The following KLHL10 variants were observed in gnomAD, a reference collection of about 807,000 sequenced individuals.
KLHL10 encodes the protein kelch like family member 10, also known as kelch-like protein 10.
A neutral mutation model predicts 46.6 loss-of-function variants in KLHL10; 11 were observed. That is an observed-to-expected ratio of 0.24 (90% confidence interval 0.15 to 0.39). The LOEUF is 0.39. KLHL10 is among the 10% of genes least tolerant of loss of function. The pLI, the probability that KLHL10 is intolerant of heterozygous loss-of-function variation, is 1.00. For synonymous variants in KLHL10, 254 were observed against 279.1 expected (o/e 0.91, Z 0.90); for missense variants, 475 against 789.8 (o/e 0.60, Z 4.78).
At chr17:41,835,818 C>G, upstream of KLHL10, 3 of 1,550,208 alleles carry the variant, frequency 1.9e-6, no homozygotes, top group Non-Finnish European at 2.6e-6. Context: ...GCCTCTCCAG[C>G]CGCCCCCAGC....
At chr17:41,845,818 GTGGA>G in intron 3 of KLHL10, 75 bp downstream of exon 3, 1 of 1,582,838 alleles carries the variant, frequency 6.3e-7, no homozygotes, top group African/African-American at 1.3e-5. Context: ...CTTTTTTGGG[GTGGA>G]TGGAAGACGC....
At chr17:41,845,045 G>T in intron 2 of KLHL10, 81 bp from the exon 3 acceptor site, 1 of 1,552,046 alleles carries the variant, frequency 6.4e-7, no homozygotes, top group Non-Finnish European at 8.9e-7. Flanking sequence ...TTCAAAGGCA[G>T]ATCGAAAAAT....
At chr17:41,841,449 G>A (rs951093392) in intron 1 of KLHL10, among the ~76,000 whole-genome samples, 1 of 152,150 alleles carries the variant, frequency 6.6e-6, no homozygotes, top group African/African-American at 2.4e-5. Flanking sequence ...CAAGTAGCTG[G>A]GACTACAGGC....
intron 4 of KLHL10, 107 bp from the exon 5 acceptor site, chr17:41,847,826 G>A: frequency 1.4e-6 from 2 of 1,469,612 alleles, no homozygotes; most frequent in Non-Finnish European, 1.9e-6. Flanking sequence ...TTTCATGGAA[G>A]ATAATGGAAG....
upstream of KLHL10, chr17:41,836,267 C>T (rs1327200812): frequency 6.1e-6 from 7 of 1,144,766 alleles, no homozygotes; most frequent in Non-Finnish European, 7.6e-6. Context: ...CGTCGCCTCC[C>T]GCCTGGAGCC....
chr17:41,836,383 A>G, upstream of KLHL10: 1 of 1,224,206 alleles, frequency 8.2e-7, no homozygotes, highest in Non-Finnish European at 1.0e-6. Flanking sequence ...GCGCTAGGCA[A>G]ACTGGAGGAG....
chr17:41,837,767 C>T, upstream of KLHL10: 1 of 1,439,694 alleles, frequency 6.9e-7, no homozygotes, highest in Non-Finnish European at 9.1e-7. Flanking sequence ...AGAGCACAAT[C>T]CTGTGTGATC....
upstream of KLHL10, among the ~76,000 whole-genome samples, chr17:41,836,893 G>T (rs2048168166): frequency 6.6e-6 from 1 of 152,224 alleles, no homozygotes; most frequent in African/African-American, 2.4e-5. Context: ...ACTGAATTCT[G>T]TTAATCACCC....
chr17:41,835,918 G>T, upstream of KLHL10: 2 of 1,605,850 alleles, frequency 1.2e-6, no homozygotes, highest in Non-Finnish European at 1.7e-6. Context: ...ACCCGCCCAG[G>T]CTGCCGCATC....
At position 41,845,154 on chromosome 17, in the gene KLHL10, A is replaced by T. The variant is rs782279173; in HGVS notation, c.713A>T (p.Tyr238Phe). The T allele has an allele frequency of 6.2e-7, 1 of 1,614,228 alleles. No individual in the cohort carries two copies. The highest frequency in any genetic ancestry group is 1.7e-5 in the Admixed American group (1 of 60,020). ...KVRLALMHAE[Y>F]FMNNVKMNDY... ...CGCCTGGCCCTAATGCATGCTGAGT[A>T]CTTCATGAACAATGTTAAGATGAAT... The change falls in exon 3 of 5, where the codon TAC (tyrosine) becomes TTC (phenylalanine). Residue 238 changes from tyrosine to phenylalanine, a missense_variant. Coordinates refer to ENST00000293303, the MANE Select transcript of KLHL10 (RefSeq NM_152467.5).
intron 1 of KLHL10, among the ~76,000 whole-genome samples, chr17:41,839,544 A>G (rs934349089): frequency 6.6e-6 from 1 of 152,198 alleles, no homozygotes; most frequent in Admixed American, 6.5e-5. Context: ...TCAGAAGAAA[A>G]AGGGAGTTTG....
intron 4 of KLHL10, 78 bp downstream of exon 4, chr17:41,847,488 C>T: frequency 2.0e-6 from 3 of 1,513,222 alleles, no homozygotes; most frequent in Non-Finnish European, 2.7e-6. Context: ...GTTTATGCTA[C>T]TATTGGTAAG....
At chr17:41,838,248 T>C (rs1258176185) in intron 1 of KLHL10, 122 bp downstream of exon 1, 1 of 882,536 alleles carries the variant, frequency 1.1e-6, no homozygotes, top group Non-Finnish European at 1.8e-6. Flanking sequence ...AGCTCTGGGC[T>C]CCTTAAAAAT....
upstream of KLHL10, chr17:41,836,359 T>C: frequency 8.2e-7 from 1 of 1,223,938 alleles, no homozygotes; most frequent in Non-Finnish European, 1.0e-6. Flanking sequence ...GCGATCCGGG[T>C]GGGCTTGCCG....
chr17:41,836,254 A>T, upstream of KLHL10: 1 of 1,014,028 alleles, frequency 9.9e-7, no homozygotes, highest in Non-Finnish European at 1.2e-6. Context: ...CGCACTGCGC[A>T]GGCGTCGCCT....
intron 2 of KLHL10, among the ~76,000 whole-genome samples, chr17:41,844,148 C>T (rs1397906350): frequency 2.0e-5 from 3 of 152,164 alleles, no homozygotes; most frequent in African/African-American, 7.2e-5. Flanking sequence ...CAACCTCCAC[C>T]TCCTGGGTTC....
chr17:41,837,886 C>A lies in KLHL10; in HGVS notation c.-47C>A. The stretch of plus-strand genomic sequence containing the variant: ...GGCTAAAGGGGCCCCCCACAACCCT[C>A]CCCGACACCCTAGGAAAGCAGCCTC... On this transcript the variant is annotated 5_prime_UTR_variant, in exon 1 of 5. Transcript: ENST00000293303. The A allele has an allele frequency of 1.9e-6, 3 of 1,611,098 alleles. No homozygotes were observed. Among genetic ancestry groups the A allele is most frequent in the Non-Finnish European group, 2.5e-6 (3 of 1,179,694 alleles).
At chr17:41,836,052 G>A (rs1227808142), upstream of KLHL10, 2 of 1,409,254 alleles carry the variant, frequency 1.4e-6, no homozygotes, top group Non-Finnish European at 9.3e-7. Context: ...AGGCGGGGCC[G>A]GGGTGCGCGA....
chr17:41,844,792 G>A (rs1351633394), intron 2 of KLHL10, among the ~76,000 whole-genome samples: 2 of 152,114 alleles, frequency 1.3e-5, no homozygotes, highest in African/African-American at 2.4e-5. Flanking sequence ...CCGGTGATCC[G>A]CCCATCTCGG....
Sources: allele counts gnomAD v4.1 joint callset (sites outside exome capture counted in the v4.1 genomes callset), GRCh38; gene constraint gnomAD v4.1.1; transcripts MANE v1.5; gene names NCBI Gene and HGNC (gene_info 2026-07-23, HGNC 2026-07-21).